Variants in FBN2 observed in about 807,000 individuals in gnomAD.
The protein encoded by FBN2 is fibrillin-2.
In FBN2, 105 loss-of-function variants were observed where a neutral mutation model predicts 355.6. The observed-to-expected ratio is 0.30, with a 90% CI of 0.25 to 0.35. FBN2 has a LOEUF of 0.35. FBN2 is among the 10% of genes least tolerant of loss of function. FBN2 has a pLI of 1.00. For missense variants in FBN2, 3,280 were observed against 3,758.7 expected (o/e 0.87, Z 3.33); for synonymous variants, 1,350 against 1,301.2 (o/e 1.04, Z -0.81).
intron 5 of FBN2, among the ~76,000 whole-genome samples, chr5:128,512,835 G>A (rs1249317847): frequency 2.6e-5 from 4 of 152,028 alleles, no homozygotes; most frequent in Non-Finnish European, 5.9e-5. Context: ...GATAACTGGG[G>A]AGTCCTCTTA....
intron 2 of FBN2, among the ~76,000 whole-genome samples, chr5:128,532,615 A>G (rs7722917): frequency 0.13 from 19,912 of 152,214 alleles, 2,127 homozygotes; most frequent in African/African-American, 0.29. Flanking sequence ...AGGTCCCACA[A>G]CTTTCAAAGA....
At chr5:128,455,464 C>G (rs1431657698) in intron 6 of FBN2, among the ~76,000 whole-genome samples, 2 of 152,066 alleles carry the variant, frequency 1.3e-5, no homozygotes, top group Non-Finnish European at 2.9e-5. Context: ...CTTTCTGACA[C>G]TACTTAAGTC....
chr5:128,496,404 C>G (rs1165794820), intron 5 of FBN2, among the ~76,000 whole-genome samples: 1 of 151,836 alleles, frequency 6.6e-6, no homozygotes, highest in East Asian at 1.9e-4. Context: ...ACCATATCAA[C>G]AGAATAAAGG....
At chr5:128,368,387 G>T (rs1048722366) in intron 16 of FBN2, among the ~76,000 whole-genome samples, 39 of 148,298 alleles carry the variant, frequency 2.6e-4, no homozygotes, top group Middle Eastern at 3.6e-3. Context: ...TATATATATA[G>T]AGAGAGATCT....
intron 11 of FBN2, among the ~76,000 whole-genome samples, chr5:128,379,715 C>T (rs1160012607): frequency 2.6e-5 from 4 of 152,148 alleles, no homozygotes; most frequent in Admixed American, 6.6e-5. Flanking sequence ...AGAGAAATCA[C>T]GTGTGCCAGT....
intron 14 of FBN2, among the ~76,000 whole-genome samples, chr5:128,376,375 T>C (rs1752077147): frequency 6.6e-6 from 1 of 152,176 alleles, no homozygotes; most frequent in Non-Finnish European, 1.5e-5. Flanking sequence ...GAAAATCTAG[T>C]TCTGAGAATG....
intron 45 of FBN2, among the ~76,000 whole-genome samples, chr5:128,304,415 G>C (rs530445049): frequency 6.6e-6 from 1 of 152,278 alleles, no homozygotes; most frequent in African/African-American, 2.4e-5. Flanking sequence ...TAGCTACTGG[G>C]AATTTTTAAA....
intron 48 of FBN2, among the ~76,000 whole-genome samples, chr5:128,294,805 A>G (rs2126825753): frequency 6.8e-6 from 1 of 145,996 alleles, no homozygotes; most frequent in South Asian, 2.3e-4. Flanking sequence ...CTCTGATGGT[A>G]GTTTCTTTTG....
chr5:128,447,742 G>C (rs1261964431), intron 6 of FBN2, among the ~76,000 whole-genome samples: 2 of 152,252 alleles, frequency 1.3e-5, no homozygotes, highest in South Asian at 2.1e-4. Flanking sequence ...AAACTTGCTG[G>C]TTTTGCGGCT....
intron 15 of FBN2, 121 bp downstream of exon 15, chr5:128,374,507 T>C (rs751634363): frequency 6.0e-6 from 8 of 1,332,990 alleles, no homozygotes; most frequent in Middle Eastern, 2.1e-4. Flanking sequence ...TTCCAAGGTT[T>C]ATCCATGTTT....
In FBN2 at chr5:128,418,622, A is replaced by G. The variant is rs1753265614; in HGVS notation, c.953-9823T>C. ...ATTGACCCATTGATTTCATTCTTCA[A>G]TGGTCATTTAGGAGCATGTTGTTGA... On this transcript the variant is annotated intron_variant, in intron 7 of 64. Coordinates refer to ENST00000262464, the MANE Select transcript of FBN2 (RefSeq NM_001999.4). Among the ~76,000 whole-genome samples the G allele has an allele frequency of 2.6e-5, 4 of 152,022 alleles. No individual in the cohort carries two copies. The South Asian group carries it at 8.3e-4, about 32-fold the overall frequency.
chr5:128,276,307 A>AT (rs1213586526), intron 58 of FBN2, 147 bp from the exon 59 acceptor site: 8 of 786,080 alleles, frequency 1.0e-5, no homozygotes, highest in Middle Eastern at 3.6e-4. Flanking sequence ...GCACAGAAGG[A>AT]TTTTTTCTAA....
Position 128,287,391 on chromosome 5 carries a change from A to C in FBN2, c.6797T>G (p.Phe2266Cys). 6.2e-7 allele frequency: 1 copy of C among 1,614,074 alleles called. No homozygotes were observed. Among genetic ancestry groups the C allele is most frequent in the Non-Finnish European group, 8.5e-7 (1 of 1,179,932 alleles). The change falls in exon 54 of 65, where the codon TTC becomes TGC. Residue 2266 changes from phenylalanine (F) to cysteine (C), a missense_variant. By Grantham distance (205) the Phe-to-Cys change is radical (BLOSUM62 -2). Coordinates refer to ENST00000262464, the MANE Select transcript of FBN2 (RefSeq NM_001999.4). The part of the protein sequence containing the change: ...ECAQNPLLCA[F>C]RCMNTFGSYE... ...GGACCCAAAAGTGTTCATGCAGCGG[A>C]AAGCACACAGCAGTGGGTTCTGGGC...
intron 42 of FBN2, 94 bp downstream of exon 42, chr5:128,307,041 T>A: frequency 2.4e-6 from 2 of 828,952 alleles, no homozygotes; most frequent in Non-Finnish European, 4.2e-6. Context: ...GATTATTATA[T>A]TTTGTGGTAC....
At chr5:128,336,391 A>G (rs1246683698) in intron 27 of FBN2, among the ~76,000 whole-genome samples, 1 of 152,250 alleles carries the variant, frequency 6.6e-6, no homozygotes, top group Non-Finnish European at 1.5e-5. Flanking sequence ...TATGGACAGT[A>G]TAACTAAGGA....
At chr5:128,436,061 T>A (rs1158771131) in intron 7 of FBN2, among the ~76,000 whole-genome samples, 1 of 150,022 alleles carries the variant, frequency 6.7e-6, no homozygotes, top group Non-Finnish European at 1.5e-5. Context: ...ATATGGCTGT[T>A]AGTTAACTAA....
rs6149234 is a variant in FBN2 at position 128,434,394 on chromosome 5, GTATATATATATA to G, written c.952+12075_952+12086del. Among the ~76,000 whole-genome samples, 66 of 91,672 alleles carry G rather than the reference GTATATATATATA, an allele frequency of 7.2e-4. 6 individuals are homozygous for G. The highest frequency in any genetic ancestry group is 3.6e-3 in the African/African-American group (59 of 16,576). 60.1% of individuals were successfully genotyped at this position (91,672 alleles called of 152,430 possible). A position where few individuals can be genotyped will look rare whatever the true frequency, so the allele number is the denominator to read the frequency against. ...CAATGCCTGGCAGTGAATAAAGTGT[GTATATATATATA>G]TATATATATATATATATATGGGCAG... On this transcript the variant is annotated intron_variant, in intron 7 of 64. Transcript: ENST00000262464.
chr5:128,263,694 C>A, intron 62 of FBN2, 38 bp from the exon 63 acceptor site: 1 of 1,506,856 alleles, frequency 6.6e-7, no homozygotes. Flanking sequence ...CACGGGGAAG[C>A]AGGCAAGAGC....
chr5:128,261,423 A>G (rs1375760603), intron 64 of FBN2, among the ~76,000 whole-genome samples: 1 of 152,234 alleles, frequency 6.6e-6, no homozygotes, highest in East Asian at 1.9e-4. Context: ...ATTAAAAATA[A>G]TTTCATTTTT....
Sources: gnomAD v4.1 joint callset for allele counts (sites outside exome capture counted in the v4.1 genomes callset) on GRCh38, gnomAD v4.1.1 for gene constraint, MANE v1.5 for transcripts, NCBI Gene and HGNC (gene_info 2026-07-23, HGNC 2026-07-21) for gene names.